AUH: variants seen among roughly 807,000 people sequenced by gnomAD.
AUH encodes methylglutaconyl-CoA hydratase, mitochondrial.
In AUH, 29 loss-of-function variants were observed where a neutral mutation model predicts 42.3. The observed-to-expected ratio is 0.69, with a 90% CI of 0.51 to 0.93. The LOEUF is 0.93. Ranked by LOEUF, AUH falls within the 40% of genes least tolerant of loss-of-function variation. The probability of loss-of-function intolerance (pLI) is 0.00; values close to 1 mark genes in which losing one functional copy is unlikely to be tolerated. For missense variants in AUH, 452 were observed against 438.1 expected (o/e 1.03, Z -0.28); for synonymous variants, 174 against 166.4 (o/e 1.05, Z -0.35).
chr9:91,259,452 A>C (rs1043098993), intron 6 of AUH, among the ~76,000 whole-genome samples: 1 of 151,986 alleles, frequency 6.6e-6, no homozygotes, highest in South Asian at 2.1e-4. Flanking sequence ...AAACATTTTC[A>C]AAGAATCAGC....
chr9:91,271,127 C>T (rs1474130629), intron 6 of AUH, among the ~76,000 whole-genome samples: 1 of 152,150 alleles, frequency 6.6e-6, no homozygotes. Context: ...TTGGAAATAT[C>T]CCTCATATAG....
chr9:91,235,732 C>G (rs561920923), intron 6 of AUH, among the ~76,000 whole-genome samples: 29 of 152,202 alleles, frequency 1.9e-4, no homozygotes, highest in Non-Finnish European at 4.0e-4. Context: ...TCACCCTACC[C>G]TTCCTTCAAT....
intron 6 of AUH, among the ~76,000 whole-genome samples, chr9:91,266,284 C>T (rs1313590609): frequency 6.6e-6 from 1 of 151,984 alleles, no homozygotes; most frequent in Non-Finnish European, 1.5e-5. Context: ...ATCGCTTGAA[C>T]CTGGGAGGCA....
intron 3 of AUH, among the ~76,000 whole-genome samples, chr9:91,349,060 T>C (rs77885181): frequency 8.4e-4 from 128 of 152,310 alleles, no homozygotes; most frequent in African/African-American, 3.0e-3. Flanking sequence ...AACAGTTAAA[T>C]ACATAAATAT....
chr9:91,280,473 C>A (rs10512207), intron 6 of AUH, among the ~76,000 whole-genome samples: 6,326 of 152,110 alleles, frequency 0.042, 413 homozygotes, highest in African/African-American at 0.14. Context: ...GCAATAAACA[C>A]TGACATAAAT....
chr9:91,285,032 T>TCA (rs1826288269), intron 6 of AUH, among the ~76,000 whole-genome samples: 2 of 152,178 alleles, frequency 1.3e-5, no homozygotes, highest in African/African-American at 4.8e-5. Context: ...GCGGCACTAT[T>TCA]CACAATAGCA....
At chr9:91,266,248 G>C (rs1829971499) in intron 6 of AUH, among the ~76,000 whole-genome samples, 1 of 152,042 alleles carries the variant, frequency 6.6e-6, no homozygotes, top group Non-Finnish European at 1.5e-5. Context: ...TGTAATCCCA[G>C]CTACTTGGGA....
intron 4 of AUH, among the ~76,000 whole-genome samples, chr9:91,299,043 ACCT>A (rs1554708748): frequency 6.6e-6 from 1 of 152,102 alleles, no homozygotes; most frequent in Non-Finnish European, 1.5e-5. Context: ...ACATGGTGAA[ACCT>A]CATCTCTACA....
At chr9:91,218,125 AAAC>A (rs905787901) in intron 7 of AUH, among the ~76,000 whole-genome samples, 9 of 152,248 alleles carry the variant, frequency 5.9e-5, no homozygotes, top group African/African-American at 2.2e-4. Context: ...GGTAGGCTCT[AAAC>A]AACAGGCACA....
chr9:91,278,919 GATA>G (rs1190579870), intron 6 of AUH, among the ~76,000 whole-genome samples: 3 of 152,224 alleles, frequency 2.0e-5, no homozygotes, highest in Admixed American at 6.5e-5. Flanking sequence ...TTCCGTAAGG[GATA>G]ATAACATTTA....
intron 3 of AUH, among the ~76,000 whole-genome samples, chr9:91,352,168 AGGAG>A (rs1832037367): frequency 1.3e-5 from 2 of 152,102 alleles, no homozygotes; most frequent in African/African-American, 4.8e-5. Context: ...CCAGCTACTC[AGGAG>A]ACTGAGGCAC....
At chr9:91,305,186 C>T (rs1346017769) in intron 4 of AUH, among the ~76,000 whole-genome samples, 2 of 152,046 alleles carry the variant, frequency 1.3e-5, no homozygotes, top group Non-Finnish European at 2.9e-5. Flanking sequence ...AAAAGCAATT[C>T]ATATATACCT....
intron 6 of AUH, among the ~76,000 whole-genome samples, chr9:91,229,915 C>T (rs965531531): frequency 3.3e-5 from 5 of 152,060 alleles, no homozygotes; most frequent in African/African-American, 9.7e-5. Flanking sequence ...GGGTTTCTGC[C>T]AAGAGATTCG....
intron 7 of AUH, among the ~76,000 whole-genome samples, chr9:91,218,340 T>A (rs1191392926): frequency 6.6e-6 from 1 of 152,258 alleles, no homozygotes; most frequent in Non-Finnish European, 1.5e-5. Flanking sequence ...GATTTGTATA[T>A]ATCATAGACA....
At chr9:91,349,175 A>G (rs916836841) in intron 3 of AUH, among the ~76,000 whole-genome samples, 1 of 152,214 alleles carries the variant, frequency 6.6e-6, no homozygotes, top group South Asian at 2.1e-4. Flanking sequence ...AACAGCACAC[A>G]ACATTCAATA....
intron 1 of AUH, chr9:91,360,541 C>G (rs1031000209): frequency 2.0e-5 from 3 of 152,206 alleles, no homozygotes; most frequent in Admixed American, 6.5e-5. Flanking sequence ...ATCTTCATAA[C>G]AAACCTATAA....
intron 6 of AUH, among the ~76,000 whole-genome samples, chr9:91,259,594 T>C (rs777620325): frequency 2.0e-5 from 3 of 152,150 alleles, no homozygotes; most frequent in Non-Finnish European, 2.9e-5. Context: ...CCTTCAAGCA[T>C]TGTTTTATCT....
intron 6 of AUH, among the ~76,000 whole-genome samples, chr9:91,251,446 A>G (rs1042063545): frequency 6.6e-6 from 1 of 152,242 alleles, no homozygotes; most frequent in Non-Finnish European, 1.5e-5. Flanking sequence ...AGATTTACTC[A>G]TGATGGGTCT....
chr9:91,265,734 T>TA (rs1829941084), intron 6 of AUH, among the ~76,000 whole-genome samples: 1 of 152,226 alleles, frequency 6.6e-6, no homozygotes, highest in African/African-American at 2.4e-5. Context: ...TCAGGAGTCT[T>TA]AGTTTTCTGA....
Sources: gnomAD v4.1 joint callset for allele counts (sites outside exome capture counted in the v4.1 genomes callset) on GRCh38, gnomAD v4.1.1 for gene constraint, MANE v1.5 for transcripts, NCBI Gene and HGNC (gene_info 2026-07-23, HGNC 2026-07-21) for gene names.